CARMIL1: variants seen among roughly 807,000 people sequenced by gnomAD.
CARMIL1 encodes F-actin-uncapping protein LRRC16A.
CARMIL1 carries 90 observed loss-of-function variants against 177.1 expected under a neutral mutation model. The ratio of observed to expected loss-of-function variants is 0.51; its 90% confidence interval spans 0.43 to 0.61. The LOEUF is 0.61. CARMIL1 is among the 20% of genes least tolerant of loss of function. CARMIL1 has a pLI of 0.00. For missense variants in CARMIL1, 1,380 were observed against 1,667.0 expected, an observed-to-expected ratio of 0.83 and a Z score of 3.00; for synonymous variants, 577 against 606.2, an observed-to-expected ratio of 0.95 and a Z score of 0.71.
intron 2 of CARMIL1, among the ~76,000 whole-genome samples, chr6:25,301,960 C>CT (rs138626450): frequency 0.028 from 4,258 of 152,242 alleles, 73 homozygotes; most frequent in Non-Finnish European, 0.038. Context: ...ATAACATTTT[C>CT]CTTAACATTT....
chr6:25,385,756 C>T (rs1012332888), intron 2 of CARMIL1, among the ~76,000 whole-genome samples: 1 of 152,106 alleles, frequency 6.6e-6, no homozygotes, highest in Non-Finnish European at 1.5e-5. Flanking sequence ...TTTCATGGTG[C>T]AAATTAGTAA....
intron 2 of CARMIL1, among the ~76,000 whole-genome samples, chr6:25,325,878 CT>C (rs997275634): frequency 1.7e-4 from 26 of 149,064 alleles, no homozygotes; most frequent in African/African-American, 5.6e-4. Flanking sequence ...TCAGATGAGA[CT>C]TTTTTTTTTG....
chr6:25,295,849 T>G (rs1782333825), intron 2 of CARMIL1, among the ~76,000 whole-genome samples: 1 of 152,230 alleles, frequency 6.6e-6, no homozygotes, highest in African/African-American at 2.4e-5. Flanking sequence ...AGCTTTTTCC[T>G]TGGCTGAATC....
chr6:25,465,817 T>G (rs373163712), intron 8 of CARMIL1, 56 bp from the exon 9 acceptor site: 4 of 967,860 alleles, frequency 4.1e-6, no homozygotes, highest in Non-Finnish European at 6.7e-6. Context: ...AAAAATTAAG[T>G]GTCAGTGTAG....
intron 32 of CARMIL1, among the ~76,000 whole-genome samples, chr6:25,594,784 A>G (rs1350914251): frequency 6.6e-6 from 1 of 152,154 alleles, no homozygotes; most frequent in Non-Finnish European, 1.5e-5. Context: ...GTATTTTAAT[A>G]AGCCCTCCAG....
intron 4 of CARMIL1, among the ~76,000 whole-genome samples, chr6:25,429,608 A>G: frequency 6.6e-6 from 1 of 152,186 alleles, no homozygotes; most frequent in Non-Finnish European, 1.5e-5. Flanking sequence ...GTAGGTTTTT[A>G]AAATAGATGC....
intron 8 of CARMIL1, chr6:25,452,061 T>C (rs749035434): frequency 3.7e-5 from 21 of 574,464 alleles, no homozygotes; most frequent in Non-Finnish European, 6.2e-5. Context: ...AGAATTGCAG[T>C]GTGGTCCCTG....
chr6:25,318,835 G>A lies in CARMIL1; in HGVS notation c.138+33926G>A, dbSNP rs190221419. Among the ~76,000 whole-genome samples, 152 of 152,272 alleles carry A rather than the reference G, an allele frequency of 1.0e-3. 2 individuals are homozygous for A. In the South Asian group the frequency reaches 0.024, roughly 24 times the overall value. ...CCAGCCCCATCTCCTCAAAGCCATT[G>A]TTTGCCCTGGTTTGTGAGGTGCTCA... is the stretch of plus-strand genomic sequence containing the variant. On this transcript the variant is annotated intron_variant, in intron 2 of 36. Coordinates refer to ENST00000329474, the MANE Select transcript of CARMIL1 (RefSeq NM_017640.6).
chr6:25,330,410 G>T (rs1406854837), intron 2 of CARMIL1, among the ~76,000 whole-genome samples: 1 of 152,204 alleles, frequency 6.6e-6, no homozygotes, highest in Non-Finnish European at 1.5e-5. Context: ...AGATTTTGGG[G>T]AGCCAGGGAA....
intron 2 of CARMIL1, among the ~76,000 whole-genome samples, chr6:25,335,838 A>G (rs1485717083): frequency 6.6e-6 from 1 of 151,894 alleles, no homozygotes; most frequent in African/African-American, 2.4e-5. Context: ...TAGTTTCTAC[A>G]TCCTTTGTAG....
chr6:25,416,058 C>G (rs533162086), intron 2 of CARMIL1, among the ~76,000 whole-genome samples: 2 of 152,146 alleles, frequency 1.3e-5, no homozygotes, highest in Non-Finnish European at 2.9e-5. Flanking sequence ...TAGACAGATA[C>G]AGAACAGAGA....
intron 5 of CARMIL1, among the ~76,000 whole-genome samples, chr6:25,439,588 G>A (rs56006415): frequency 0.091 from 13,871 of 152,180 alleles, 676 homozygotes; most frequent in South Asian, 0.1. Context: ...TGATGCTGGG[G>A]CTGAATAAGC....
chr6:25,395,612 A>G lies in CARMIL1; in HGVS notation c.139-24502A>G, dbSNP rs1383895785. 2.6e-5 allele frequency among the ~76,000 whole-genome samples: 4 copies of G among 152,326 alleles called. No individual in the cohort carries two copies. In the East Asian group the frequency reaches 7.7e-4, roughly 29 times the overall value. On this transcript the variant is annotated intron_variant, in intron 2 of 36. Coordinates refer to ENST00000329474, the MANE Select transcript of CARMIL1 (RefSeq NM_017640.6). The stretch of plus-strand genomic sequence containing the variant: ...AATTTAAAAGTAACATCAATTTTAA[A>G]AGTCTTTTTGTTATACATAAGTTAC...
chr6:25,298,815 C>G (rs899851228), intron 2 of CARMIL1, among the ~76,000 whole-genome samples: 4 of 145,636 alleles, frequency 2.7e-5, no homozygotes, highest in African/African-American at 1.0e-4. Context: ...AGTGCAATGG[C>G]GCGATCTCGG....
chr6:25,530,488 A>G (rs535507426), intron 24 of CARMIL1, among the ~76,000 whole-genome samples: 1 of 152,258 alleles, frequency 6.6e-6, no homozygotes, highest in South Asian at 2.1e-4. Context: ...CTCTGACTCA[A>G]AAAAAAGAGT....
rs914742658 is a variant in CARMIL1, at chr6:25,589,292, A to G, written c.3007-5123A>G. The stretch of plus-strand genomic sequence containing the variant: ...TCAGTCTTCTGGAGTGGCACGTGGT[A>G]TCCAAGTCTCTTCTACTTAGTAGAC... On this transcript the variant is annotated intron_variant, in intron 31 of 36. Transcript: ENST00000329474. 2.0e-5 allele frequency among the ~76,000 whole-genome samples: 3 copies of G among 152,216 alleles called. No individual in the cohort carries two copies. In the East Asian group the frequency reaches 5.8e-4, roughly 29 times the overall value.
intron 2 of CARMIL1, among the ~76,000 whole-genome samples, chr6:25,348,258 G>A (rs1038955022): frequency 1.3e-5 from 2 of 151,700 alleles, no homozygotes; most frequent in East Asian, 2.0e-4. Flanking sequence ...TCAGTCTCCC[G>A]AGTAGCTGGG....
intron 5 of CARMIL1, among the ~76,000 whole-genome samples, chr6:25,449,563 G>A (rs1049770465): frequency 6.6e-6 from 1 of 152,178 alleles, no homozygotes; most frequent in Non-Finnish European, 1.5e-5. Flanking sequence ...TTGAAAATTA[G>A]TAATTTATAT....
chr6:25,511,128 G>A (rs991605575), intron 20 of CARMIL1, among the ~76,000 whole-genome samples: 5 of 152,004 alleles, frequency 3.3e-5, no homozygotes. Flanking sequence ...ATATAATGCT[G>A]AGAAATATCA....
Sources: allele counts gnomAD v4.1 joint callset (sites outside exome capture counted in the v4.1 genomes callset), GRCh38; gene constraint gnomAD v4.1.1; transcripts MANE v1.5; gene names NCBI Gene and HGNC (gene_info 2026-07-23, HGNC 2026-07-21).